Variants in SAMD12 observed in about 807,000 individuals in gnomAD.
SAMD12 encodes sterile alpha motif domain containing 12.
A neutral mutation model predicts 15.0 loss-of-function variants in SAMD12; 9 were observed. The observed-to-expected ratio is 0.60, with a 90% CI of 0.36 to 1.05. The LOEUF (loss-of-function observed/expected upper bound fraction) is 1.05. Among genes scored for constraint, SAMD12 ranks in the 50% least tolerant of loss-of-function variants. The probability of loss-of-function intolerance (pLI) is 0.01; values close to 1 mark genes in which losing one functional copy is unlikely to be tolerated. For missense variants in SAMD12, 230 were observed against 234.2 expected (o/e 0.98, Z 0.12); for synonymous variants, 86 against 90.1 (o/e 0.96, Z 0.25).
chr8:118,425,574 A>C (rs1185612088), intron 3 of SAMD12, among the ~76,000 whole-genome samples: 1 of 152,218 alleles, frequency 6.6e-6, no homozygotes, highest in Non-Finnish European at 1.5e-5. Flanking sequence ...CAGGGACAAC[A>C]GAATGGATCA....
At chr8:118,261,951 G>C (rs932196585) in intron 4 of SAMD12, among the ~76,000 whole-genome samples, 1 of 151,698 alleles carries the variant, frequency 6.6e-6, no homozygotes, top group African/African-American at 2.4e-5. Flanking sequence ...TAGATGAATG[G>C]ATAAAGAAAA....
At chr8:118,589,137 C>T (rs1027606267) in intron 1 of SAMD12, among the ~76,000 whole-genome samples, 1 of 152,176 alleles carries the variant, frequency 6.6e-6, no homozygotes, top group African/African-American at 2.4e-5. Context: ...GAAGTTATTA[C>T]ATCAATGAGA....
chr8:118,132,982 A>ATATATAT, the SAMD12 span, among the ~76,000 whole-genome samples: 4 of 29,502 alleles, frequency 1.4e-4, no homozygotes, highest in Non-Finnish European at 1.3e-4. Flanking sequence ...GTATATATAT[A>ATATATAT]TATATATATA....
chr8:118,214,283 T>A (rs1586350060), intron 4 of SAMD12, among the ~76,000 whole-genome samples: 1 of 152,230 alleles, frequency 6.6e-6, no homozygotes, highest in Non-Finnish European at 1.5e-5. Context: ...GAAATCTGGT[T>A]AACTACAATG....
chr8:118,612,255 C>T (rs1194839177), intron 1 of SAMD12, among the ~76,000 whole-genome samples: 1 of 152,208 alleles, frequency 6.6e-6, no homozygotes, highest in Non-Finnish European at 1.5e-5. Flanking sequence ...AAAATAAGCT[C>T]TCCCTGGCCT....
At chr8:118,218,838 C>T (rs1439136894) in intron 4 of SAMD12, among the ~76,000 whole-genome samples, 1 of 152,044 alleles carries the variant, frequency 6.6e-6, no homozygotes. Flanking sequence ...ATCTAGTTGA[C>T]CTTCATCTCC....
chr8:118,517,949 T>A (rs1352789768), intron 2 of SAMD12, among the ~76,000 whole-genome samples: 1 of 152,184 alleles, frequency 6.6e-6, no homozygotes, highest in Admixed American at 6.5e-5. Context: ...TCAGGTTCTA[T>A]TTTTCTCTTT....
the SAMD12 span, among the ~76,000 whole-genome samples, chr8:118,166,386 C>T: frequency 6.6e-6 from 1 of 152,138 alleles, no homozygotes; most frequent in African/African-American, 2.4e-5. Context: ...TTATCTCAAA[C>T]CCCAGATCTC....
chr8:118,144,507 T>C, the SAMD12 span, among the ~76,000 whole-genome samples: 2 of 152,250 alleles, frequency 1.3e-5, no homozygotes, highest in African/African-American at 4.8e-5. Flanking sequence ...GGTAGGTAAA[T>C]AAAAATTTAT....
At chr8:118,305,348 A>G (rs1344886642) in intron 4 of SAMD12, among the ~76,000 whole-genome samples, 1 of 151,764 alleles carries the variant, frequency 6.6e-6, no homozygotes, top group Non-Finnish European at 1.5e-5. Context: ...ATTTCCATCA[A>G]TTTGCCTAAC....
At position 118,378,912 on chromosome 8, in the gene SAMD12, A is replaced by G; in HGVS notation, c.*505T>C. The G allele has an allele frequency of 1.1e-6, 1 of 936,246 alleles. No homozygotes were observed. Among genetic ancestry groups the G allele is most frequent in the Non-Finnish European group, 1.3e-6 (1 of 784,810 alleles). The allele number at this position is 936,246 out of a possible 1,614,324, so 58.0% of individuals were successfully genotyped here. On this transcript the variant is annotated 3_prime_UTR_variant, in exon 4 of 4. Transcript: ENST00000314727. Reference sequence around the variant, plus strand: ...TTATTTATAATTCCTGTTAAGAATTATATACTCTTAACAGTGTAGTTTTAG... The same window carrying G: ...TTATTTATAATTCCTGTTAAGAATTGTATACTCTTAACAGTGTAGTTTTAG...
chr8:118,559,194 T>G (rs1247061010), intron 2 of SAMD12, among the ~76,000 whole-genome samples: 1 of 152,198 alleles, frequency 6.6e-6, no homozygotes, highest in African/African-American at 2.4e-5. Flanking sequence ...AACTCAAGTT[T>G]TTCCAGGAAG....
chr8:118,524,727 G>A (rs375290641), intron 2 of SAMD12, among the ~76,000 whole-genome samples: 6 of 152,144 alleles, frequency 3.9e-5, no homozygotes, highest in East Asian at 3.9e-4. Context: ...GTTAATAACC[G>A]ACCTTCCAAT....
chr8:118,316,775 G>A lies in SAMD12; in HGVS notation c.433+62785C>T, dbSNP rs535099410. ...TTATGTTGAAATCCTAACCCCCACA[G>A]GGTCTCGCTCTGTCCACCATGCCTG... is the stretch of plus-strand genomic sequence containing the variant. On this transcript the variant is annotated intron_variant, in intron 4 of 4. Transcript: ENST00000409003. Among the ~76,000 whole-genome samples the A allele has an allele frequency of 4.0e-5, 6 of 151,578 alleles. No homozygotes were observed. In the East Asian group the frequency reaches 1.2e-3, roughly 29 times the overall value.
intron 2 of SAMD12, among the ~76,000 whole-genome samples, chr8:118,577,997 T>C (rs1827193746): frequency 6.6e-6 from 1 of 152,130 alleles, no homozygotes. Flanking sequence ...GTACAGAAAG[T>C]AAAAGTTTTC....
At chr8:118,347,805 C>T (rs933283311) in intron 4 of SAMD12, among the ~76,000 whole-genome samples, 9 of 152,186 alleles carry the variant, frequency 5.9e-5, no homozygotes, top group Non-Finnish European at 1.0e-4. Flanking sequence ...CTAGCTCTTA[C>T]ATAGCTCTTA....
chr8:118,595,741 G>A (rs1198082709), intron 1 of SAMD12, among the ~76,000 whole-genome samples: 2 of 152,262 alleles, frequency 1.3e-5, no homozygotes, highest in African/African-American at 4.8e-5. Context: ...CTCGAATCTT[G>A]CCCTATGTAA....
intron 4 of SAMD12, among the ~76,000 whole-genome samples, chr8:118,350,674 T>C (rs1817918137): frequency 6.6e-6 from 1 of 152,230 alleles, no homozygotes; most frequent in Non-Finnish European, 1.5e-5. Context: ...CAAATGTCTA[T>C]TAAGTGAATG....
At chr8:118,148,665 C>A in the SAMD12 span, among the ~76,000 whole-genome samples, 1 of 152,158 alleles carries the variant, frequency 6.6e-6, no homozygotes, top group Non-Finnish European at 1.5e-5. Flanking sequence ...CTTAAAAAAT[C>A]TTTCATACCT....
Sources: allele counts gnomAD v4.1 joint callset (sites outside exome capture counted in the v4.1 genomes callset), GRCh38; gene constraint gnomAD v4.1.1; transcripts MANE v1.5; gene names NCBI Gene and HGNC (gene_info 2026-07-23, HGNC 2026-07-21).